Variants in MLLT1 observed in about 807,000 individuals in gnomAD.
MLLT1 encodes the protein MLLT1 super elongation complex subunit.
A neutral mutation model predicts 55.1 loss-of-function variants in MLLT1; 11 were observed. The observed-to-expected ratio is 0.20, with a 90% CI of 0.13 to 0.33. The LOEUF (loss-of-function observed/expected upper bound fraction) is 0.33. Among genes scored for constraint, MLLT1 ranks in the 10% least tolerant of loss-of-function variants. MLLT1 has a pLI of 1.00. For synonymous variants in MLLT1, 323 were observed against 320.1 expected, an observed-to-expected ratio of 1.01 and a Z score of -0.10; for missense variants, 536 against 760.6, an observed-to-expected ratio of 0.70 and a Z score of 3.47.
Position 6,265,626 on chromosome 19 carries a change from C to T in MLLT1, c.194-3316G>A, listed in dbSNP as rs781383345. 1.2e-4 allele frequency among the ~76,000 whole-genome samples: 18 copies of T among 151,596 alleles called. No individual in the cohort carries two copies. The South Asian group carries it at 1.2e-3, about 11-fold the overall frequency. On this transcript the variant is annotated intron_variant, in intron 2 of 11. Coordinates refer to ENST00000252674, the MANE Select transcript of MLLT1 (RefSeq NM_005934.4). ...CGGAGGTTGCAGTGAGCCAAGATCG[C>T]GCCATTGCACTCCAGCCTGGGCAAC...
chr19:6,220,701 T>G (rs1341764142), intron 6 of MLLT1, among the ~76,000 whole-genome samples: 2 of 152,166 alleles, frequency 1.3e-5, no homozygotes, highest in Non-Finnish European at 2.9e-5. Context: ...TGGAGATGCC[T>G]GGCCTGGGAC....
chr19:6,268,991 C>T (rs901119925), intron 2 of MLLT1, among the ~76,000 whole-genome samples: 3 of 152,164 alleles, frequency 2.0e-5, no homozygotes, highest in Non-Finnish European at 1.5e-5. Flanking sequence ...GCGTCCGGGG[C>T]CCATCCCTGT....
In MLLT1 at chr19:6,256,172, G is replaced by A. The variant is rs866347254; in HGVS notation, c.276+6056C>T. Reference sequence around the variant, plus strand: ...GCAGAGGTTGCGATGAGCCAGGATCGTGCCACTGCACTCCAGCCTGGACAA... The same window carrying A: ...GCAGAGGTTGCGATGAGCCAGGATCATGCCACTGCACTCCAGCCTGGACAA... On this transcript the variant is annotated intron_variant, in intron 3 of 11. Transcript: ENST00000252674. The surrounding 1 kb of genome is among the most constrained non-coding windows in gnomAD (Gnocchi z 4.1). Among the ~76,000 whole-genome samples, 20 of 151,814 alleles carry A rather than the reference G, an allele frequency of 1.3e-4. No homozygotes were observed. Among genetic ancestry groups the A allele is most frequent in the African/African-American group, 4.6e-4 (19 of 41,276 alleles).
chr19:6,221,566 G>A (rs2090896876), intron 6 of MLLT1, among the ~76,000 whole-genome samples: 1 of 152,220 alleles, frequency 6.6e-6, no homozygotes, highest in South Asian at 2.1e-4. Flanking sequence ...AGCTGTGTGC[G>A]ATGGGTGTGG....
Position 6,229,770 on chromosome 19 carries a change from C to T in MLLT1, c.420+800G>A, listed in dbSNP as rs993454785. ...ACATGCCACACCCCACACATACACACGACACACACCCCATACCACACATGC... is the reference window on the plus strand; with the variant it reads ...ACATGCCACACCCCACACATACACATGACACACACCCCATACCACACATGC... On this transcript the variant is annotated intron_variant, in intron 4 of 11. Coordinates refer to ENST00000252674, the MANE Select transcript of MLLT1 (RefSeq NM_005934.4). The surrounding 1 kb of genome is among the most constrained non-coding windows in gnomAD (Gnocchi z 5.2). Among the ~76,000 whole-genome samples, 8 of 151,612 alleles carry T rather than the reference C, an allele frequency of 5.3e-5. No homozygotes were observed. Among genetic ancestry groups the T allele is most frequent in the East Asian group, 1.9e-4 (1 of 5,180 alleles).
chr19:6,254,531 T>C (rs2091243132), intron 3 of MLLT1, among the ~76,000 whole-genome samples: 2 of 152,346 alleles, frequency 1.3e-5, no homozygotes, highest in African/African-American at 4.8e-5. Context: ...GCTCTTAACC[T>C]GGGAGCTTGC....
In MLLT1 at chr19:6,211,151, C is replaced by T. The variant is rs1431240803; in HGVS notation, c.*1891G>A. The T allele has an allele frequency of 4.3e-6, 1 of 232,648 alleles. No homozygotes were observed. The highest frequency in any genetic ancestry group is 8.5e-6 in the Non-Finnish European group (1 of 117,672). The allele number at this position is 232,648 out of a possible 1,614,324, so 14.4% of individuals were successfully genotyped here. On this transcript the variant is annotated 3_prime_UTR_variant, in exon 12 of 12. Coordinates refer to ENST00000252674, the MANE Select transcript of MLLT1 (RefSeq NM_005934.4). The surrounding 1 kb of genome is among the most constrained non-coding windows in gnomAD (Gnocchi z 4.6). ...CTTGTGCGTAGAGCTCCCAGCAGCACGGGCCCCCGGTCAGCCCCCCTCAGG... is the reference window on the plus strand; with the variant it reads ...CTTGTGCGTAGAGCTCCCAGCAGCATGGGCCCCCGGTCAGCCCCCCTCAGG...
At chr19:6,259,828 ACTGGCCATCCTC>A (rs2091288932) in intron 3 of MLLT1, 1 of 149,816 alleles carries the variant, frequency 6.7e-6, no homozygotes, top group African/African-American at 2.5e-5. Context: ...AAACAGAAAA[ACTGGCCATCCTC>A]CAAAAGGGCT....
At chr19:6,242,821 C>A (rs1322163197) in intron 3 of MLLT1, among the ~76,000 whole-genome samples, 3 of 152,126 alleles carry the variant, frequency 2.0e-5, no homozygotes, top group Admixed American at 1.3e-4. Flanking sequence ...TACAGGGCAC[C>A]TGGGGGGCTG....
intron 3 of MLLT1, among the ~76,000 whole-genome samples, chr19:6,236,527 G>A (rs1038025812): frequency 6.6e-6 from 1 of 152,160 alleles, no homozygotes; most frequent in African/African-American, 2.4e-5. Flanking sequence ...GGGCAGCACC[G>A]AAAAGCAAGG....
At chr19:6,232,057 G>A (rs751458484) in intron 3 of MLLT1, among the ~76,000 whole-genome samples, 4 of 152,044 alleles carry the variant, frequency 2.6e-5, no homozygotes, top group Non-Finnish European at 2.9e-5. Context: ...GCTACGTGGC[G>A]AAACCCTGTC....
chr19:6,244,931 C>G (rs996264744), intron 3 of MLLT1, among the ~76,000 whole-genome samples: 1 of 152,124 alleles, frequency 6.6e-6, no homozygotes. Flanking sequence ...ATCAAAAAGG[C>G]AGAAAATGAG....
chr19:6,217,813 C>A, intron 7 of MLLT1, 141 bp downstream of exon 7: 1 of 1,250,480 alleles, frequency 8.0e-7, no homozygotes, highest in Non-Finnish European at 1.1e-6. Context: ...TATAGACTCC[C>A]CCAGGCCACC....
At chr19:6,267,403 A>T (rs8100014) in intron 2 of MLLT1, among the ~76,000 whole-genome samples, 2 of 19,680 alleles carry the variant, frequency 1.0e-4, no homozygotes, top group African/African-American at 1.8e-4. Flanking sequence ...CCAAAAAATT[A>T]AAAAAAAAAA....
chr19:6,228,645 G>C (rs538988497), intron 4 of MLLT1, among the ~76,000 whole-genome samples: 9 of 152,294 alleles, frequency 5.9e-5, no homozygotes, highest in Admixed American at 1.3e-4. Context: ...CCTCCTCCCG[G>C]GTCTCCCAGC....
intron 2 of MLLT1, among the ~76,000 whole-genome samples, chr19:6,266,755 C>A (rs1253929262): frequency 6.6e-6 from 1 of 152,166 alleles, no homozygotes; most frequent in East Asian, 1.9e-4. Context: ...CTGCGCCCAG[C>A]CAGAAATGTC....
chr19:6,221,199 C>T (rs1444000685), intron 6 of MLLT1, among the ~76,000 whole-genome samples: 2 of 152,214 alleles, frequency 1.3e-5, no homozygotes, highest in African/African-American at 4.8e-5. Context: ...GCCGGACCCA[C>T]AAAAGGCCCC....
rs760954824 is a variant in MLLT1, at chr19:6,213,299, CCGA to C, written c.1551+35_1551+37del. The stretch of plus-strand genomic sequence containing the variant: ...GCAGCCCACACTCCTCACAGGCACC[CCGA>C]CCTCTGCCGGGCAGGACCCTCAGGG... On this transcript the variant is annotated intron_variant, in intron 11 of 11. Transcript: ENST00000252674. The C allele has an allele frequency of 3.8e-5, 62 of 1,611,308 alleles. 1 individual carries two copies. The highest frequency in any genetic ancestry group is 3.3e-4 in the Middle Eastern group (2 of 6,028).
chr19:6,222,345 T>C lies in MLLT1; in HGVS notation c.886A>G (p.Ser296Gly), dbSNP rs200725130. The change falls in exon 6 of 12, where the codon AGC becomes GGC. Residue 296 changes from serine to glycine, a missense_variant. Ser to Gly is a moderately conservative substitution (Grantham distance 56). Transcript: ENST00000252674. This position sits in a 1 kb window ranked among gnomAD's most constrained non-coding sequence, Gnocchi z 4.1. ...CTGCTCTTCTTCTGCTTCTTGGCGC[T>C]GGGCTTTGGCGAGTCGGCGGTGGCC... ...RPATADSPKP[S>G]AKKQKKSSSK... The C allele has an allele frequency of 1.7e-5, 23 of 1,338,578 alleles. No individual in the cohort carries two copies. Among genetic ancestry groups the C allele is most frequent in the East Asian group, 8.2e-5 (2 of 24,348 alleles). 82.9% of individuals were successfully genotyped at this position (1,338,578 alleles called of 1,614,324 possible).
Sources: allele counts gnomAD v4.1 joint callset (sites outside exome capture counted in the v4.1 genomes callset), GRCh38; gene constraint gnomAD v4.1.1; non-coding constraint Gnocchi (gnomAD v3.1); transcripts MANE v1.5; gene names NCBI Gene and HGNC (gene_info 2026-07-23, HGNC 2026-07-21).